The following PCDHGA1 variants were observed in gnomAD, a reference collection of about 807,000 sequenced individuals.
The protein encoded by PCDHGA1 is protocadherin gamma subfamily A, 1, also known as protocadherin gamma-A1.
Under a neutral mutation model 58.0 loss-of-function variants are expected in PCDHGA1, and 32 were observed. That is an observed-to-expected ratio of 0.55 (90% CI 0.42 to 0.74). The LOEUF is 0.74. PCDHGA1 is among the 30% of genes least tolerant of loss of function. PCDHGA1 has a pLI of 0.00. For missense variants in PCDHGA1, 1,205 were observed against 1,182.3 expected (o/e 1.02, Z -0.28); for synonymous variants, 498 against 501.1 (o/e 0.99, Z 0.08).
At position 141,491,971 on chromosome 5, in the gene PCDHGA1, T is replaced by C. The variant is rs62379205; in HGVS notation, c.2422-2836T>C. ...CCTACACTCAAAAAAGGCCGGGGCC[T>C]CCTTCGAGCTTCCGGTGAATTTCGG... is the stretch of plus-strand genomic sequence containing the variant. On this transcript the variant is annotated intron_variant, in intron 1 of 3. Coordinates refer to ENST00000517417, the MANE Select transcript of PCDHGA1 (RefSeq NM_018912.3). This position sits in a 1 kb window ranked among gnomAD's most constrained non-coding sequence, Gnocchi z 6.9. The C allele has an allele frequency of 0.2, 165,735 of 830,872 alleles. 17,637 individuals are homozygous for C. Among genetic ancestry groups the C allele is most frequent in the Admixed American group, 0.32 (8,466 of 26,688 alleles). 51.5% of individuals were successfully genotyped at this position (830,872 alleles called of 1,614,324 possible).
At chr5:141,385,316 G>T in intron 1 of PCDHGA1, 2 of 1,610,350 alleles carry the variant, frequency 1.2e-6, no homozygotes, top group Non-Finnish European at 1.7e-6. Flanking sequence ...AACCTGCCAA[G>T]TATTCAGGTG....
At chr5:141,357,422 T>C (rs1277142896) in intron 1 of PCDHGA1, 2 of 1,614,254 alleles carry the variant, frequency 1.2e-6, no homozygotes, top group East Asian at 2.2e-5. Context: ...TCGCACTTTG[T>C]GGGCGTGGAC....
rs777761385 is a variant in PCDHGA1 at position 141,489,558 on chromosome 5, G to T, written c.2422-5249G>T. 1.1e-5 allele frequency: 17 copies of T among 1,614,130 alleles called. No homozygotes were observed. In the South Asian group the frequency reaches 1.8e-4, roughly 17 times the overall value. On this transcript the variant is annotated intron_variant, in intron 1 of 3. Coordinates refer to ENST00000517417, the MANE Select transcript of PCDHGA1 (RefSeq NM_018912.3). The surrounding 1 kb of genome is among the most constrained non-coding windows in gnomAD (Gnocchi z 4.5). Reference sequence around the variant, plus strand: ...CCAGCACCAGCTGCCTGCTGCCAGTGCAGGTGGTGACTGAACACCCCCTGG... The same window carrying T: ...CCAGCACCAGCTGCCTGCTGCCAGTTCAGGTGGTGACTGAACACCCCCTGG...
In PCDHGA1 at chr5:141,487,762, T is replaced by C; in HGVS notation, c.2422-7045T>C. 6.5e-7 allele frequency: 1 copy of C among 1,545,432 alleles called. No homozygotes were observed. The highest frequency in any genetic ancestry group is 8.8e-7 in the Non-Finnish European group (1 of 1,142,332). ...TAAGAGGTAACTATGTGGTAGACGC[T>C]GTGCTTTGTAACTGTTTCGTGAATT... On this transcript the variant is annotated intron_variant, in intron 1 of 3. Coordinates refer to ENST00000517417, the MANE Select transcript of PCDHGA1 (RefSeq NM_018912.3). The surrounding 1 kb of genome is among the most constrained non-coding windows in gnomAD (Gnocchi z 5.0).
intron 1 of PCDHGA1, chr5:141,345,634 C>G (rs775510751): frequency 1.9e-6 from 3 of 1,614,208 alleles, no homozygotes; most frequent in African/African-American, 1.3e-5. Context: ...CTGGTGACAG[C>G]CAGCGACAGC....
At chr5:141,482,513 A>C (rs552094845) in intron 1 of PCDHGA1, among the ~76,000 whole-genome samples, 1 of 143,798 alleles carries the variant, frequency 7.0e-6, no homozygotes, top group East Asian at 2.1e-4. Flanking sequence ...CCCAGAGTAC[A>C]GTATGAGACA....
Position 141,486,676 on chromosome 5 carries a change from T to A in PCDHGA1, c.2422-8131T>A, listed in dbSNP as rs375080564. On this transcript the variant is annotated intron_variant, in intron 1 of 3. Coordinates refer to ENST00000517417, the MANE Select transcript of PCDHGA1 (RefSeq NM_018912.3). This position sits in a 1 kb window ranked among gnomAD's most constrained non-coding sequence, Gnocchi z 5.0. ...CACTCCTGGAGCCCAGGAATCGAGA[T>A]GTATCAGCTTCCTCTTTCATCTCTC... 3 of 1,614,002 alleles carry A rather than the reference T, an allele frequency of 1.9e-6. No homozygotes were observed. The highest frequency in any genetic ancestry group is 2.5e-6 in the Non-Finnish European group (3 of 1,180,036).
At chr5:141,488,070 C>A (rs777154469) in intron 1 of PCDHGA1, among the ~76,000 whole-genome samples, 3 of 152,076 alleles carry the variant, frequency 2.0e-5, no homozygotes, top group Non-Finnish European at 1.5e-5. Context: ...TCTTTGTCTC[C>A]CAGTATCTAG....
At chr5:141,454,409 T>G (rs1221091875) in intron 1 of PCDHGA1, among the ~76,000 whole-genome samples, 1 of 152,162 alleles carries the variant, frequency 6.6e-6, no homozygotes, top group Non-Finnish European at 1.5e-5. Flanking sequence ...TTATTCCTTT[T>G]TATTTATTTA....
chr5:141,393,620 G>T (rs1335715353), intron 1 of PCDHGA1: 1 of 1,613,908 alleles, frequency 6.2e-7, no homozygotes, highest in Non-Finnish European at 8.5e-7. Flanking sequence ...CCAGCGACCC[G>T]GATGAGGGAA....
At chr5:141,409,507 T>C (rs1220086382) in intron 1 of PCDHGA1, 3 of 1,613,982 alleles carry the variant, frequency 1.9e-6, no homozygotes, top group South Asian at 1.1e-5. Flanking sequence ...TTTCTTCCAG[T>C]AGAAGCATCA....
At chr5:141,454,838 C>T (rs1472341694) in intron 1 of PCDHGA1, among the ~76,000 whole-genome samples, 7 of 100,814 alleles carry the variant, frequency 6.9e-5, no homozygotes, top group Non-Finnish European at 1.1e-4. Flanking sequence ...GACAGAGTCG[C>T]GCTCTGTCAC....
chr5:141,405,433 T>A, intron 1 of PCDHGA1: 1 of 1,471,752 alleles, frequency 6.8e-7, no homozygotes, highest in Non-Finnish European at 9.3e-7. Flanking sequence ...TTTTGTTTTG[T>A]TTTTGAGACA....
chr5:141,415,819 TA>T, intron 1 of PCDHGA1: 2 of 1,328,322 alleles, frequency 1.5e-6, no homozygotes, highest in African/African-American at 1.5e-5. Context: ...CTATATATCA[TA>T]AGGCTTTGTT....
intron 1 of PCDHGA1, chr5:141,433,179 T>C (rs760574214): frequency 1.2e-5 from 20 of 1,608,614 alleles, no homozygotes; most frequent in Admixed American, 1.7e-5. Flanking sequence ...CATGGGTTAA[T>C]TGAGGTGAGT....
chr5:141,404,909 C>CCT, intron 1 of PCDHGA1: 1 of 1,613,916 alleles, frequency 6.2e-7, no homozygotes, highest in Non-Finnish European at 8.5e-7. Context: ...TGGCCAGCCC[C>CCT]CTCTCTCGGC....
At chr5:141,434,667 G>A (rs1464226862) in intron 1 of PCDHGA1, among the ~76,000 whole-genome samples, 5 of 151,956 alleles carry the variant, frequency 3.3e-5, no homozygotes, top group African/African-American at 1.2e-4. Context: ...CTATAGAAAT[G>A]ATGCTAATGA....
At chr5:141,450,888 G>C (rs1038570371) in intron 1 of PCDHGA1, among the ~76,000 whole-genome samples, 27 of 145,380 alleles carry the variant, frequency 1.9e-4, no homozygotes, top group Non-Finnish European at 3.9e-4. Flanking sequence ...GCAGTGGTGC[G>C]ATATCGGCTC....
chr5:141,404,415 T>C, intron 1 of PCDHGA1: 1 of 1,613,844 alleles, frequency 6.2e-7, no homozygotes, highest in Non-Finnish European at 8.5e-7. Context: ...TCTAGAGTTA[T>C]TTACTCCTTG....
Sources: gnomAD v4.1 joint callset for allele counts (sites outside exome capture counted in the v4.1 genomes callset) on GRCh38, gnomAD v4.1.1 for gene constraint, Gnocchi (gnomAD v3.1) non-coding constraint, MANE v1.5 for transcripts, NCBI Gene and HGNC (gene_info 2026-07-23, HGNC 2026-07-21) for gene names.